The following G3BP2 variants were observed in gnomAD, a reference collection of about 807,000 sequenced individuals.
The protein encoded by G3BP2 is G3BP stress granule assembly factor 2.
In G3BP2, 11 loss-of-function variants were observed where a neutral mutation model predicts 56.7. That is an observed-to-expected ratio of 0.19 (90% CI 0.12 to 0.32). G3BP2 has a LOEUF of 0.32. Among genes scored for constraint, G3BP2 ranks in the 10% least tolerant of loss-of-function variants. The probability of loss-of-function intolerance (pLI) is 1.00; values close to 1 mark genes in which losing one functional copy is unlikely to be tolerated. For synonymous variants in G3BP2, 165 were observed against 191.6 expected (o/e 0.86, Z 1.15); for missense variants, 340 against 610.9 (o/e 0.56, Z 4.67).
intron 3 of G3BP2, among the ~76,000 whole-genome samples, chr4:75,701,183 T>C (rs976588682): frequency 1.3e-5 from 2 of 152,054 alleles, no homozygotes; most frequent in Non-Finnish European, 2.9e-5. Flanking sequence ...ATAAAATATT[T>C]TTCTTATCCC....
intron 3 of G3BP2, among the ~76,000 whole-genome samples, chr4:75,710,659 GT>G (rs1719719544): frequency 6.6e-6 from 1 of 152,112 alleles, no homozygotes; most frequent in Non-Finnish European, 1.5e-5. Context: ...ATTTAAGTCT[GT>G]CTGGCTTTAT....
At chr4:75,697,256 A>G (rs1341896453) in intron 3 of G3BP2, among the ~76,000 whole-genome samples, 5 of 119,154 alleles carry the variant, frequency 4.2e-5, no homozygotes, top group Non-Finnish European at 3.5e-5. Flanking sequence ...CCTGGCTGAC[A>G]GAGCGAGACT....
intron 2 of G3BP2, among the ~76,000 whole-genome samples, chr4:75,660,715 T>C (rs945015553): frequency 6.6e-6 from 1 of 152,200 alleles, no homozygotes; most frequent in Non-Finnish European, 1.5e-5. Flanking sequence ...GGAATTTAAG[T>C]CTTTTAAACA....
In G3BP2 at chr4:75,694,752, A is replaced by T. The variant is rs143146767; in HGVS notation, c.-25+26125T>A. The T allele has an allele frequency of 4.9e-4, 488 of 986,830 alleles. 1 individual carries two copies. The African/African-American group carries it at 7.9e-3, about 16-fold the overall frequency. The allele number at this position is 986,830 out of a possible 1,614,324, so 61.1% of individuals were successfully genotyped here. A position where few individuals can be genotyped will look rare whatever the true frequency, so the allele number is the denominator to read the frequency against. ...AGACTCTGTCTCGAAAAACAAACAAACAAACAAACAAACAAACAAAAAACC... is the reference window on the plus strand; with the variant it reads ...AGACTCTGTCTCGAAAAACAAACAATCAAACAAACAAACAAACAAAAAACC... On this transcript the variant is annotated intron_variant, in intron 3 of 3. Coordinates refer to the G3BP2 transcript ENST00000499709.
At chr4:75,675,817 T>G (rs1733855681), upstream of G3BP2, among the ~76,000 whole-genome samples, 1 of 152,130 alleles carries the variant, frequency 6.6e-6, no homozygotes, top group Non-Finnish European at 1.5e-5. Flanking sequence ...ACCACTGATC[T>G]AGGGCAGAGG....
intron 3 of G3BP2, among the ~76,000 whole-genome samples, chr4:75,718,049 T>C (rs62318519): frequency 0.011 from 1,641 of 151,720 alleles, 18 homozygotes; most frequent in Non-Finnish European, 0.017. Flanking sequence ...TGAGGCAGAA[T>C]AGCTTGAACC....
intron 9 of G3BP2, among the ~76,000 whole-genome samples, chr4:75,647,604 A>G (rs541905746): frequency 4.0e-4 from 61 of 152,324 alleles, no homozygotes; most frequent in African/African-American, 1.4e-3. Context: ...CAGTCTATAC[A>G]TATTAAGTGT....
chr4:75,706,508 T>G (rs952664206), intron 3 of G3BP2, among the ~76,000 whole-genome samples: 1 of 152,080 alleles, frequency 6.6e-6, no homozygotes, highest in Admixed American at 6.6e-5. Context: ...AGAAACCCCA[T>G]GTCTACTAAA....
intron 1 of G3BP2, among the ~76,000 whole-genome samples, chr4:75,666,873 G>T (rs1733080921): frequency 6.6e-6 from 1 of 152,096 alleles, no homozygotes; most frequent in South Asian, 2.1e-4. Flanking sequence ...GGAGTAAAAG[G>T]TTTCAACTAT....
At chr4:75,650,233 G>A (rs1731568761) in intron 8 of G3BP2, among the ~76,000 whole-genome samples, 1 of 151,678 alleles carries the variant, frequency 6.6e-6, no homozygotes, top group Non-Finnish European at 1.5e-5. Context: ...TCGGGAGTTC[G>A]AGACCAGCCT....
chr4:75,646,175 A>C (rs1327081136), intron 11 of G3BP2, among the ~76,000 whole-genome samples, 163 bp downstream of exon 11: 1 of 152,230 alleles, frequency 6.6e-6, no homozygotes, highest in Non-Finnish European at 1.5e-5. Flanking sequence ...ACAAAATTTA[A>C]AATGATCTGC....
At chr4:75,710,194 C>T (rs1183376073) in intron 3 of G3BP2, among the ~76,000 whole-genome samples, 1 of 152,110 alleles carries the variant, frequency 6.6e-6, no homozygotes, top group African/African-American at 2.4e-5. Flanking sequence ...AATTCCTGGG[C>T]TCAAGCAATC....
chr4:75,656,048 T>TGGTGTGATCTTGG (rs1288360194), intron 5 of G3BP2, among the ~76,000 whole-genome samples, 178 bp from the exon 6 acceptor site: 1 of 151,094 alleles, frequency 6.6e-6, no homozygotes, highest in Non-Finnish European at 1.5e-5. Flanking sequence ...TGGAGTGCAG[T>TGGTGTGATCTTGG]GGTGTGATCT....
intron 8 of G3BP2, among the ~76,000 whole-genome samples, chr4:75,649,319 CAG>C (rs1473428141): frequency 2.6e-5 from 4 of 152,190 alleles, no homozygotes; most frequent in African/African-American, 9.6e-5. Flanking sequence ...AAAAAAATGA[CAG>C]AAACTTATAG....
chr4:75,708,432 A>G (rs753201982), intron 3 of G3BP2, among the ~76,000 whole-genome samples: 1 of 152,122 alleles, frequency 6.6e-6, no homozygotes, highest in Non-Finnish European at 1.5e-5. Context: ...ATCTTGATTG[A>G]CGTCACTCTC....
In G3BP2 at chr4:75,656,800, A is replaced by G. The variant is rs968920877; in HGVS notation, c.442+124T>C. 249 of 646,500 alleles carry G rather than the reference A, an allele frequency of 3.9e-4. 1 individual carries two copies. The Middle Eastern group carries it at 5.2e-3, about 13-fold the overall frequency. The allele number at this position is 646,500 out of a possible 1,614,324, so 40.0% of individuals were successfully genotyped here. On this transcript the variant is annotated intron_variant, in intron 5 of 11. Transcript: ENST00000359707. ...ACGACAACAACAACAAAACCATGAAAAAAGGATGTTTGACACAGTTACAAT... is the reference window on the plus strand; with the variant it reads ...ACGACAACAACAACAAAACCATGAAGAAAGGATGTTTGACACAGTTACAAT...
In G3BP2 at chr4:75,673,020, T is replaced by C. The variant is rs890099057; in HGVS notation, c.-25+188A>G. On this transcript the variant is annotated intron_variant, in intron 1 of 11. Coordinates refer to ENST00000359707, the MANE Select transcript of G3BP2 (RefSeq NM_203505.3). ...CCCAGGCGGCCTCCCACCCCTCACC[T>C]AGAGGAAAGACTGGTCTTCTCTCAC... 135 of 987,410 alleles carry C rather than the reference T, an allele frequency of 1.4e-4. No homozygotes were observed. The highest frequency in any genetic ancestry group is 1.4e-4 in the Non-Finnish European group (116 of 831,690). 61.2% of individuals were successfully genotyped at this position (987,410 alleles called of 1,614,324 possible). A position where few individuals can be genotyped will look rare whatever the true frequency, so the allele number is the denominator to read the frequency against.
intron 3 of G3BP2, among the ~76,000 whole-genome samples, chr4:75,688,921 T>C (rs1718735168): frequency 1.3e-5 from 2 of 152,204 alleles, no homozygotes; most frequent in Admixed American, 1.3e-4. Context: ...AGAAGACATA[T>C]TCTTACATTT....
chr4:75,674,022 C>T (rs188647153), upstream of G3BP2: 1 of 152,428 alleles, frequency 6.6e-6, no homozygotes, highest in East Asian at 1.9e-4. Flanking sequence ...TTAGGCATGG[C>T]TAAATATCAG....
Sources: allele counts gnomAD v4.1 joint callset (sites outside exome capture counted in the v4.1 genomes callset), GRCh38; gene constraint gnomAD v4.1.1; transcripts MANE v1.5; gene names NCBI Gene and HGNC (gene_info 2026-07-23, HGNC 2026-07-21).